CENPB: variants seen among roughly 807,000 people sequenced by gnomAD.
CENPB encodes centromere protein B, also known as major centromere autoantigen B.
A neutral mutation model predicts 41.9 loss-of-function variants in CENPB; 19 were observed. That is an observed-to-expected ratio of 0.45 (90% CI 0.32 to 0.67). The LOEUF (loss-of-function observed/expected upper bound fraction) is 0.67, where lower values mean the gene tolerates loss of function less well. Among genes scored for constraint, CENPB ranks in the 30% least tolerant of loss-of-function variants. The pLI is 0.04. For synonymous variants in CENPB, 399 were observed against 354.4 expected (o/e 1.13, Z -1.41); for missense variants, 614 against 816.2 (o/e 0.75, Z 3.02).
At position 3,785,147 on chromosome 20, in the gene CENPB, T is replaced by G; in HGVS notation, c.1337A>C (p.Glu446Ala). Residue 446 changes from glutamate (E) to alanine (A), a missense_variant, in exon 1 of 1, where the codon GAG becomes GCG. By Grantham distance (107) the Glu-to-Ala change is moderately radical. This residue lies in a region of CENPB where 537 missense variants were observed against 629.4 expected (regional missense o/e 0.85). Transcript: ENST00000379751. ...GGEGEELGEE[E>A]EVEEEGDVDS... ...AACATCACCCTCCTCCTCCACCTCC[T>G]CTTCCTCCCCCAATTCCTCTCCTTC... 2 of 1,576,696 alleles carry G rather than the reference T, an allele frequency of 1.3e-6. No homozygotes were observed. The highest frequency in any genetic ancestry group is 1.7e-6 in the Non-Finnish European group (2 of 1,160,160).
Position 3,785,320 on chromosome 20 carries a change from G to C in CENPB, c.1164C>G (p.Gly388=), listed in dbSNP as rs1448929586. 1 of 1,600,428 alleles carries C rather than the reference G, an allele frequency of 6.2e-7. No individual in the cohort carries two copies. The highest frequency in any genetic ancestry group is 1.1e-5 in the South Asian group (1 of 89,264). Residue 388 remains glycine, a synonymous_variant, in exon 1 of 1, where the codon GGC becomes GGG. Transcript: ENST00000379751. ...TGGTGGCATTAGGGCCACCCCCAAA[G>C]CCAGCCTCACGAAAGCAGGCGGCTA... is the stretch of plus-strand genomic sequence containing the variant. ...SDIAACFREA[G]FGGGPNATIT... is the part of the protein sequence containing the mutation.
chr20:3,785,743 C>T lies in CENPB; in HGVS notation c.741G>A (p.Ser247=). 6.2e-7 allele frequency: 1 copy of T among 1,607,756 alleles called. No homozygotes were observed. Among genetic ancestry groups the T allele is most frequent in the Non-Finnish European group, 8.5e-7 (1 of 1,177,226 alleles). ...EKLPPLVAGK[S]AKPRAGQAGL... ...CGGCTTGGCCTGCGCGGGGCTTGGC[C>T]GACTTGCCGGCCACCAGCGGGGGCA... is the stretch of plus-strand genomic sequence containing the variant. The change falls in exon 1 of 1, where the codon TCG becomes TCA. Residue 247 remains serine, a synonymous_variant. Coordinates refer to ENST00000379751, the MANE Select transcript of CENPB (RefSeq NM_001810.6).
rs1206471984 is a variant in CENPB at position 3,785,129 on chromosome 20, C to A, written c.1355G>T (p.Gly452Val). Residue 452 changes from glycine (G) to valine (V), a missense_variant, in exon 1 of 1, where the codon GGT (glycine) becomes GTT (valine). Gly to Val is a moderately radical substitution (Grantham distance 109, BLOSUM62 -3). This residue lies in a region of CENPB where 537 missense variants were observed against 629.4 expected (regional missense o/e 0.85). Coordinates refer to ENST00000379751, the MANE Select transcript of CENPB (RefSeq NM_001810.6). ...CTCTTCTTCATCACTATCAACATCA[C>A]CCTCCTCCTCCACCTCCTCTTCCTC... ...LGEEEEVEEE[G>V]DVDSDEEEEE... 1.9e-6 allele frequency: 3 copies of A among 1,598,174 alleles called. No homozygotes were observed. In the African/African-American group the frequency reaches 4.0e-5, roughly 21 times the overall value.
rs1363904982 is a variant in CENPB at position 3,785,338 on chromosome 20, G to A, written c.1146C>T (p.Ala382=). The A allele has an allele frequency of 6.2e-7, 1 of 1,603,328 alleles. No individual in the cohort carries two copies. The highest frequency in any genetic ancestry group is 1.7e-5 in the Admixed American group (1 of 58,852). Reference sequence around the variant, plus strand: ...CCCCAAAGCCAGCCTCACGAAAGCAGGCGGCTATGTCCGAAGGCTCCACTG... The same window carrying A: ...CCCCAAAGCCAGCCTCACGAAAGCAAGCGGCTATGTCCGAAGGCTCCACTG... The part of the protein sequence containing the change: ...WQAVEPSDIA[A]CFREAGFGGG... Residue 382 remains alanine (A), a synonymous_variant, in exon 1 of 1, where the codon GCC becomes GCT. Coordinates refer to ENST00000379751, the MANE Select transcript of CENPB (RefSeq NM_001810.6).
Position 3,784,261 on chromosome 20 carries a change from G to C in CENPB, c.*423C>G. ...GGGGCCTAGGCTGGACCTTCTTCTG[G>C]AGCCCTTCCCAGAATGGCTTTGGGG... On this transcript the variant is annotated 3_prime_UTR_variant, in exon 1 of 1. Transcript: ENST00000379751. This position sits in a 1 kb window ranked among gnomAD's most constrained non-coding sequence, Gnocchi z 5.2. 1 of 190,944 alleles carries C rather than the reference G, an allele frequency of 5.2e-6. No homozygotes were observed. The highest frequency in any genetic ancestry group is 8.8e-5 in the South Asian group (1 of 11,360). The allele number at this position is 190,944 out of a possible 1,614,324, so 11.8% of individuals were successfully genotyped here. A position where few individuals can be genotyped will look rare whatever the true frequency, so the allele number is the denominator to read the frequency against.
chr20:3,785,679 C>T lies in CENPB; in HGVS notation c.805G>A (p.Val269Ile). 2 of 1,609,440 alleles carry T rather than the reference C, an allele frequency of 1.2e-6. No individual in the cohort carries two copies. Among genetic ancestry groups the T allele is most frequent in the African/African-American group, 1.3e-5 (1 of 74,998 alleles). The change falls in exon 1 of 1, where the codon GTC becomes ATC. Residue 269 changes from valine (V) to isoleucine (I), a missense_variant. Physicochemically the swap from Val to Ile is conservative, Grantham distance 29 (BLOSUM62 3). This residue lies in a region of CENPB where 537 missense variants were observed against 629.4 expected (regional missense o/e 0.85). Transcript: ENST00000379751. ...TACTTGGCCAGGGCCTGGGTGGTGA[C>T]ACCACCCTTGGAGTTGGCGGTGTAG... ...CDYTANSKGG[V>I]TTQALAKYLK...
chr20:3,785,455 G>C lies in CENPB; in HGVS notation c.1029C>G (p.Leu343=). ...GGCCCTCTAGCGCGGCCATGGCCTTGAGCAGCATGGCCTGGCGGTAGTGGC... is the reference window on the plus strand; with the variant it reads ...GGCCCTCTAGCGCGGCCATGGCCTTCAGCAGCATGGCCTGGCGGTAGTGGC... ...VKGHYRQAML[L]KAMAALEGQD... Residue 343 remains leucine, a synonymous_variant, in exon 1 of 1, where the codon CTC becomes CTG. Transcript: ENST00000379751. 6.3e-7 allele frequency: 1 copy of C among 1,589,698 alleles called. No homozygotes were observed. Among genetic ancestry groups the C allele is most frequent in the South Asian group, 1.1e-5 (1 of 87,866 alleles).
At position 3,786,299 on chromosome 20, in the gene CENPB, G is replaced by T; in HGVS notation, c.185C>A (p.Ala62Asp). 6.2e-7 allele frequency: 1 copy of T among 1,607,534 alleles called. No individual in the cohort carries two copies. Residue 62 changes from alanine to aspartate, a missense_variant, in exon 1 of 1, where the codon GCC (alanine) becomes GAC (aspartate). This residue lies in a region of CENPB where 77 missense variants were observed against 186.8 expected (regional missense o/e 0.41). Coordinates refer to ENST00000379751, the MANE Select transcript of CENPB (RefSeq NM_001810.6). Reference sequence around the variant, plus strand: ...CTTGTTGGTCTTGCGGCAGGTGGAGGCCACCCCGTACTTGCGCTCCGACGC... The same window carrying T: ...CTTGTTGGTCTTGCGGCAGGTGGAGTCCACCCCGTACTTGCGCTCCGACGC... ...ILASERKYGV[A>D]STCRKTNKLS...
At position 3,786,334 on chromosome 20, in the gene CENPB, G is replaced by T. The variant is rs1332125968; in HGVS notation, c.150C>A (p.Arg50=). The T allele has an allele frequency of 2.5e-6, 4 of 1,607,238 alleles. No individual in the cohort carries two copies. Among genetic ancestry groups the T allele is most frequent in the Non-Finnish European group, 2.5e-6 (3 of 1,179,802 alleles). The change falls in exon 1 of 1, where the codon CGC becomes CGA. Residue 50 remains arginine, a synonymous_variant. Coordinates refer to ENST00000379751, the MANE Select transcript of CENPB (RefSeq NM_001810.6). The part of the protein sequence containing the change: ...STLSTILKNK[R]AILASERKYG... Reference sequence around the variant, plus strand: ...ACTTGCGCTCCGACGCCAGGATGGCGCGCTTGTTCTTCAGGATCGTGCTCA... The same window carrying T: ...ACTTGCGCTCCGACGCCAGGATGGCTCGCTTGTTCTTCAGGATCGTGCTCA...
Position 3,785,634 on chromosome 20 carries a change from G to C in CENPB, c.850C>G (p.Arg284Gly), listed in dbSNP as rs759981081. 6.2e-7 allele frequency: 1 copy of C among 1,605,528 alleles called. No individual in the cohort carries two copies. Among genetic ancestry groups the C allele is most frequent in the South Asian group, 1.1e-5 (1 of 90,070 alleles). Residue 284 changes from arginine (R) to glycine (G), a missense_variant, in exon 1 of 1, where the codon CGA becomes GGA. Transcript: ENST00000379751. ...LAKYLKALDT[R>G]MAAESRRVLL... ...ACCCGGCGAGACTCTGCAGCCATTC[G>C]GGTGTCCAAGGCCTTCAAGTACTTG...
At position 3,785,539 on chromosome 20, in the gene CENPB, G is replaced by A; in HGVS notation, c.945C>T (p.Ala315=). 6.3e-7 allele frequency: 1 copy of A among 1,598,880 alleles called. No individual in the cohort carries two copies. The highest frequency in any genetic ancestry group is 8.5e-7 in the Non-Finnish European group (1 of 1,173,140). The change falls in exon 1 of 1, where the codon GCC becomes GCT. Residue 315 remains alanine (A), a synonymous_variant. Coordinates refer to ENST00000379751, the MANE Select transcript of CENPB (RefSeq NM_001810.6). Reference sequence around the variant, plus strand: ...GATGCACGGTGCCGGGAGGGAAGAAGGCCAGCTGCACATGCCGCAGGCCCG... The same window carrying A: ...GATGCACGGTGCCGGGAGGGAAGAAAGCCAGCTGCACATGCCGCAGGCCCG... ...DTSGLRHVQL[A]FFPPGTVHPL...
At position 3,785,569 on chromosome 20, in the gene CENPB, G is replaced by A; in HGVS notation, c.915C>T (p.Asp305=). ...LAGRLAAQSL[D]TSGLRHVQLA... is the part of the protein sequence containing the mutation. ...GCTGCACATGCCGCAGGCCCGAGGT[G>A]TCCAAGGACTGGGCAGCCAAGCGGC... Residue 305 remains aspartate (D), a synonymous_variant, in exon 1 of 1, where the codon GAC becomes GAT. Transcript: ENST00000379751. The A allele has an allele frequency of 6.2e-7, 1 of 1,601,072 alleles. No individual in the cohort carries two copies. The highest frequency in any genetic ancestry group is 8.5e-7 in the Non-Finnish European group (1 of 1,174,290).
At position 3,785,150 on chromosome 20, in the gene CENPB, T is replaced by TCCTCCCCCAATTCCTCTC; in HGVS notation, c.1316_1333dup (p.Gly439_Glu444dup). ...ATCACCCTCCTCCTCCACCTCCTCT[T>TCCTCCCCCAATTCCTCTC]CCTCCCCCAATTCCTCTCCTTCCCC... On this transcript the variant is annotated inframe_insertion, in exon 1 of 1. Coordinates refer to ENST00000379751, the MANE Select transcript of CENPB (RefSeq NM_001810.6). 6.8e-7 allele frequency: 1 copy of TCCTCCCCCAATTCCTCTC among 1,475,400 alleles called. No homozygotes were observed. Among genetic ancestry groups the TCCTCCCCCAATTCCTCTC allele is most frequent in the Non-Finnish European group, 9.1e-7 (1 of 1,097,506 alleles). 91.4% of individuals were successfully genotyped at this position (1,475,400 alleles called of 1,614,324 possible).
chr20:3,786,151 C>G lies in CENPB; in HGVS notation c.333G>C (p.Leu111=), dbSNP rs769575335. The G allele has an allele frequency of 9.4e-6, 15 of 1,598,616 alleles. No homozygotes were observed. In the Admixed American group the frequency reaches 2.5e-4, roughly 27 times the overall value. The change falls in exon 1 of 1, where the codon CTG becomes CTC. Residue 111 remains leucine (L), a synonymous_variant. Transcript: ENST00000379751. ...TGGAGGCGGTGAAGTCGTCCATGCC[C>G]AGCTCCTCGGCTATGCGCAGCGCCT... ...KEKALRIAEE[L]GMDDFTASNG...
rs753974143 is a variant in CENPB, at chr20:3,786,253, G to C, written c.231C>G (p.Leu77=). 1 of 1,605,332 alleles carries C rather than the reference G, an allele frequency of 6.2e-7. No individual in the cohort carries two copies. The highest frequency in any genetic ancestry group is 1.7e-5 in the Admixed American group (1 of 59,918). The change falls in exon 1 of 1, where the codon CTC becomes CTG. Residue 77 remains leucine (L), a synonymous_variant. Transcript: ENST00000379751. ...KTNKLSPYDK[L]EGLLIAWFQQ... The stretch of plus-strand genomic sequence containing the variant: ...GGAACCAGGCGATGAGCAAGCCCTC[G>C]AGCTTGTCGTAGGGAGACAGCTTGT...
Position 3,785,468 on chromosome 20 carries a change from T to C in CENPB, c.1016A>G (p.Gln339Arg). 6.3e-7 allele frequency: 1 copy of C among 1,589,800 alleles called. No homozygotes were observed. The highest frequency in any genetic ancestry group is 8.6e-7 in the Non-Finnish European group (1 of 1,168,474). Residue 339 changes from glutamine to arginine, a missense_variant, in exon 1 of 1, where the codon CAG becomes CGG. By Grantham distance (43) the Gln-to-Arg change is conservative (BLOSUM62 1). This residue lies in a region of CENPB where 537 missense variants were observed against 629.4 expected (regional missense o/e 0.85). Coordinates refer to ENST00000379751, the MANE Select transcript of CENPB (RefSeq NM_001810.6). ...GGCCATGGCCTTGAGCAGCATGGCCTGGCGGTAGTGGCCCTTCACCTGCTG... is the reference window on the plus strand; with the variant it reads ...GGCCATGGCCTTGAGCAGCATGGCCCGGCGGTAGTGGCCCTTCACCTGCTG... ...VVQQVKGHYRQAMLLKAMAAL... is the reference protein window; with the variant it reads ...VVQQVKGHYRRAMLLKAMAAL...
rs769161961 is a variant in CENPB at position 3,786,015 on chromosome 20, G to C, written c.469C>G (p.Pro157Ala). ...APRTPAAPAS[P>A]AAVPSEGSGG... ...CTGCCCTCCGAGGGCACCGCGGCCG[G>C]ACTGGCAGGCGCCGCCGGGGTGCGG... The change falls in exon 1 of 1, where the codon CCG becomes GCG. Residue 157 changes from proline (P) to alanine (A), a missense_variant. Physicochemically the swap from Pro to Ala is conservative, Grantham distance 27. Coordinates refer to ENST00000379751, the MANE Select transcript of CENPB (RefSeq NM_001810.6). 3 of 1,437,768 alleles carry C rather than the reference G, an allele frequency of 2.1e-6. No homozygotes were observed. The highest frequency in any genetic ancestry group is 5.6e-5 in the East Asian group (2 of 35,522). The allele number at this position is 1,437,768 out of a possible 1,614,324, so 89.1% of individuals were successfully genotyped here. A position where few individuals can be genotyped will look rare whatever the true frequency, so the allele number is the denominator to read the frequency against.
At position 3,786,395 on chromosome 20, in the gene CENPB, T is replaced by A; in HGVS notation, c.89A>T (p.Glu30Val). 2 of 1,602,270 alleles carry A rather than the reference T, an allele frequency of 1.2e-6. No homozygotes were observed. Among genetic ancestry groups the A allele is most frequent in the Non-Finnish European group, 1.7e-6 (2 of 1,179,396 alleles). ...CGGGATGTTGAAGCGCCGCGCGATC[T>A]CGCCCTTGCGCAGGTCCGGATTCTC... ...VEENPDLRKG[E>V]IARRFNIPPS... Residue 30 changes from glutamate (E) to valine (V), a missense_variant, in exon 1 of 1, where the codon GAG becomes GTG. Glu to Val is a moderately radical substitution (Grantham distance 121). Coordinates refer to ENST00000379751, the MANE Select transcript of CENPB (RefSeq NM_001810.6).
Position 3,784,566 on chromosome 20 carries a change from A to G in CENPB, c.*118T>C, listed in dbSNP as rs1190943911. On this transcript the variant is annotated 3_prime_UTR_variant, in exon 1 of 1. Transcript: ENST00000379751. This position sits in a 1 kb window ranked among gnomAD's most constrained non-coding sequence, Gnocchi z 5.2. ...GGCCTGTTGCAGGACCAGGGGAAGC[A>G]TTACTAAAGGATCTGGGGCTCTGCA... 3 of 1,229,086 alleles carry G rather than the reference A, an allele frequency of 2.4e-6. No homozygotes were observed. The East Asian group carries it at 7.0e-5, about 29-fold the overall frequency. The allele number at this position is 1,229,086 out of a possible 1,614,324, so 76.1% of individuals were successfully genotyped here. A position where few individuals can be genotyped will look rare whatever the true frequency, so the allele number is the denominator to read the frequency against.
Sources: gnomAD v4.1 joint callset for allele counts on GRCh38, gnomAD v4.1.1 for gene constraint, gnomAD v4.1.1 regional missense constraint, Gnocchi (gnomAD v3.1) non-coding constraint, MANE v1.5 for transcripts, NCBI Gene and HGNC (gene_info 2026-07-23, HGNC 2026-07-21) for gene names.